The following NRXN2 variants were observed in gnomAD, a reference collection of about 807,000 sequenced individuals.
The protein encoded by NRXN2 is neurexin-2-beta.
Under a neutral mutation model 128.8 loss-of-function variants are expected in NRXN2, and 29 were observed. That is an observed-to-expected ratio of 0.23 (90% CI 0.17 to 0.31). The LOEUF is 0.31. NRXN2 is among the 10% of genes least tolerant of loss of function. The pLI is 1.00. For synonymous variants in NRXN2, 1,098 were observed against 1,075.2 expected, an observed-to-expected ratio of 1.02 and a Z score of -0.41; for missense variants, 1,881 against 2,452.6, an observed-to-expected ratio of 0.77 and a Z score of 4.92.
chr11:64,661,177 A>T (rs532537514), intron 9 of NRXN2, 38 bp from the exon 10 acceptor site: 2 of 1,612,284 alleles, frequency 1.2e-6, no homozygotes, highest in East Asian at 4.5e-5. Flanking sequence ...GAAAAGCCAC[A>T]GGCCAGAAAG....
In NRXN2 at chr11:64,622,856, A is replaced by C. The variant is rs769597691; in HGVS notation, c.4070T>G (p.Leu1357Arg). The change falls in exon 21 of 23, where the codon CTG (leucine) becomes CGG (arginine). Residue 1357 changes from leucine (L) to arginine (R), a missense_variant. Physicochemically the swap from Leu to Arg is moderately radical, Grantham distance 102 (BLOSUM62 -2). Transcript: ENST00000265459. The surrounding 1 kb of genome is among the most constrained non-coding windows in gnomAD (Gnocchi z 4.3). ...LLSAETTATT[L>R]LADMATTIME... is the part of the protein sequence containing the mutation. ...GATGGTGGTGGCCATGTCAGCCAGC[A>C]GGGTGGTGGCCGTGGTCTCCGCACT... 5 of 1,612,762 alleles carry C rather than the reference A, an allele frequency of 3.1e-6. No homozygotes were observed. Among genetic ancestry groups the C allele is most frequent in the Non-Finnish European group, 1.7e-6 (2 of 1,179,912 alleles).
chr11:64,633,074 C>A (rs1354352073), intron 18 of NRXN2, among the ~76,000 whole-genome samples: 1 of 152,180 alleles, frequency 6.6e-6, no homozygotes, highest in East Asian at 1.9e-4. Flanking sequence ...CCTTGCCAGG[C>A]CTCTCCACCC....
intron 4 of NRXN2, among the ~76,000 whole-genome samples, chr11:64,691,944 A>C (rs1019476172): frequency 6.6e-6 from 1 of 152,226 alleles, no homozygotes; most frequent in Non-Finnish European, 1.5e-5. Flanking sequence ...CAGGTCCAAC[A>C]GTGCCAAAGG....
chr11:64,622,693 G>A lies in NRXN2; in HGVS notation c.4173+60C>T. ...TAGGCACCACTACTGTGGCTATGCA[G>A]ATATCAACCCCATCCCCACCTATCC... On this transcript the variant is annotated intron_variant, in intron 21 of 22. Transcript: ENST00000265459. This position sits in a 1 kb window ranked among gnomAD's most constrained non-coding sequence, Gnocchi z 4.3. 6.4e-7 allele frequency: 1 copy of A among 1,565,734 alleles called. No homozygotes were observed. Among genetic ancestry groups the A allele is most frequent in the African/African-American group, 1.3e-5 (1 of 74,622 alleles).
At chr11:64,690,283 C>A in intron 5 of NRXN2, 122 bp downstream of exon 5, 1 of 878,932 alleles carries the variant, frequency 1.1e-6, no homozygotes, top group Admixed American at 2.1e-5. Context: ...CCCATCACTT[C>A]CCACAGGCCT....
intron 2 of NRXN2, among the ~76,000 whole-genome samples, chr11:64,710,961 T>C (rs2056830582): frequency 6.6e-6 from 1 of 152,072 alleles, no homozygotes; most frequent in Admixed American, 6.6e-5. Flanking sequence ...GGTGAGAAGG[T>C]GTCAGCTTAA....
chr11:64,722,310 G>A (rs2057455461), intron 1 of NRXN2, among the ~76,000 whole-genome samples: 3 of 91,530 alleles, frequency 3.3e-5, no homozygotes, highest in Non-Finnish European at 2.2e-5. Flanking sequence ...GCCTTCCCCC[G>A]CAAGCTTCCG....
intron 3 of NRXN2, among the ~76,000 whole-genome samples, chr11:64,695,719 T>TAC (rs2054406971): frequency 6.6e-6 from 1 of 151,618 alleles, no homozygotes; most frequent in Non-Finnish European, 1.5e-5. Context: ...TAGGTGTGTA[T>TAC]ACACACACGC....
In NRXN2 at chr11:64,668,162, C is replaced by A. The variant is rs868055790; in HGVS notation, c.1359+281G>T. On this transcript the variant is annotated intron_variant, in intron 8 of 22. Coordinates refer to ENST00000265459, the MANE Select transcript of NRXN2 (RefSeq NM_015080.4). ...ATGAGTGGAAGAGTTGGGACTCAAG[C>A]AAGGTCTTTAGTCTTCATACCCAGC... 7.9e-5 allele frequency among the ~76,000 whole-genome samples: 12 copies of A among 152,198 alleles called. No individual in the cohort carries two copies. The South Asian group carries it at 1.0e-3, about 13-fold the overall frequency.
At chr11:64,610,932 C>A (rs1043543617) in intron 22 of NRXN2, among the ~76,000 whole-genome samples, 2 of 152,180 alleles carry the variant, frequency 1.3e-5, no homozygotes, top group African/African-American at 4.8e-5. Context: ...TCAGAACACC[C>A]TTCCCTGCTG....
chr11:64,618,577 C>A (rs1242188330), intron 22 of NRXN2, among the ~76,000 whole-genome samples: 3 of 152,168 alleles, frequency 2.0e-5, no homozygotes, highest in Non-Finnish European at 4.4e-5. Context: ...CAATAAACGC[C>A]TAGAGCTCAG....
chr11:64,624,196 C>T (rs1029830781), intron 20 of NRXN2, among the ~76,000 whole-genome samples: 4 of 152,122 alleles, frequency 2.6e-5, no homozygotes, highest in African/African-American at 4.8e-5. Flanking sequence ...GTTTAGAGTT[C>T]GGTGCCTGTA....
chr11:64,715,167 A>C (rs1340388348), intron 1 of NRXN2, among the ~76,000 whole-genome samples: 1 of 152,170 alleles, frequency 6.6e-6, no homozygotes. Flanking sequence ...TAAATTCCAA[A>C]TCCAAACAGC....
rs140649285 is a variant in NRXN2, at chr11:64,667,685, C to T, written c.1363G>A (p.Val455Ile). The T allele has an allele frequency of 1.1e-5, 17 of 1,613,918 alleles. No homozygotes were observed. The highest frequency in any genetic ancestry group is 1.3e-5 in the Non-Finnish European group (15 of 1,180,004). Residue 455 changes from valine to isoleucine, a missense_variant, in exon 9 of 23, where the codon GTC (valine) becomes ATC (isoleucine). By Grantham distance (29) the Val-to-Ile change is conservative. Transcript: ENST00000265459. The surrounding 1 kb of genome is among the most constrained non-coding windows in gnomAD (Gnocchi z 5.6). ...AATTTGAAGTCATTGTTCTTATAGACCACCTGCAGGGAGGGGTGGGGTCAG... is the reference window on the plus strand; with the variant it reads ...AATTTGAAGTCATTGTTCTTATAGATCACCTGCAGGGAGGGGTGGGGTCAG... ...NNFMGCLKDVVYKNNDFKLEL... is the reference protein window; with the variant it reads ...NNFMGCLKDVIYKNNDFKLEL...
At chr11:64,668,314 G>T in intron 8 of NRXN2, 129 bp downstream of exon 8, 1 of 1,160,140 alleles carries the variant, frequency 8.6e-7, no homozygotes, top group Non-Finnish European at 1.2e-6. Flanking sequence ...TTAAAGAGGG[G>T]GTGTCTCCCA....
At chr11:64,657,082 T>C (rs1220869091) in intron 11 of NRXN2, among the ~76,000 whole-genome samples, 1 of 152,166 alleles carries the variant, frequency 6.6e-6, no homozygotes, top group Non-Finnish European at 1.5e-5. Context: ...ATAGCTTCCC[T>C]CTACAGGATA....
At chr11:64,654,980 G>A (rs1035191579) in intron 11 of NRXN2, among the ~76,000 whole-genome samples, 21 of 152,208 alleles carry the variant, frequency 1.4e-4, no homozygotes, top group African/African-American at 5.1e-4. Context: ...CACTGGGTTG[G>A]CTTTGCCTTT....
intron 7 of NRXN2, among the ~76,000 whole-genome samples, chr11:64,672,388 C>T (rs540936581): frequency 3.5e-4 from 54 of 152,222 alleles, no homozygotes; most frequent in Non-Finnish European, 1.2e-4. Flanking sequence ...GGGAAGTATC[C>T]TTCTGCCATC....
chr11:64,710,888 A>T (rs1458392609), intron 2 of NRXN2, among the ~76,000 whole-genome samples: 1 of 152,188 alleles, frequency 6.6e-6, no homozygotes, highest in African/African-American at 2.4e-5. Flanking sequence ...CTCTACACGC[A>T]GGCAAACACA....
Sources: gnomAD v4.1 joint callset for allele counts (sites outside exome capture counted in the v4.1 genomes callset) on GRCh38, gnomAD v4.1.1 for gene constraint, Gnocchi (gnomAD v3.1) non-coding constraint, MANE v1.5 for transcripts, NCBI Gene and HGNC (gene_info 2026-07-23, HGNC 2026-07-21) for gene names.